SLC37A1: variants seen among roughly 807,000 people sequenced by gnomAD.
SLC37A1 encodes glucose-6-phosphate exchanger SLC37A1.
In SLC37A1, 49 loss-of-function variants were observed where a neutral mutation model predicts 75.3. That is an observed-to-expected ratio of 0.65 (90% CI 0.52 to 0.83). SLC37A1 has a LOEUF of 0.83. SLC37A1 is among the 40% of genes least tolerant of loss of function. The pLI is 0.00. For synonymous variants in SLC37A1, 268 were observed against 292.1 expected (o/e 0.92, Z 0.84); for missense variants, 566 against 695.0 (o/e 0.81, Z 2.09).
Position 42,543,440 on chromosome 21 carries a change from G to C in SLC37A1, c.568G>C (p.Gly190Arg). 6.2e-7 allele frequency: 1 copy of C among 1,614,154 alleles called. No individual in the cohort carries two copies. ...LGNWFGKGRRGLIMGVWNSHT... is the reference protein window; with the variant it reads ...LGNWFGKGRRRLIMGVWNSHT... ...TTCTGTTTTGTTGTGCTGCAGGAGA[G>C]GTTTGATTATGGGGGTCTGGAACTC... Residue 190 changes from glycine to arginine, a missense_variant, in exon 8 of 20, where the codon GGT becomes CGT. Coordinates refer to ENST00000352133, the MANE Select transcript of SLC37A1 (RefSeq NM_001320537.2).
At position 42,580,333 on chromosome 21, in the gene SLC37A1, C is replaced by G; in HGVS notation, c.1587-12C>G. ...GCTGTTAGAGCAGCTCTTCTTTCAACCTTTCTTTCAGATTTAAGGAACAGT... is the reference window on the plus strand; with the variant it reads ...GCTGTTAGAGCAGCTCTTCTTTCAAGCTTTCTTTCAGATTTAAGGAACAGT... On this transcript the variant is annotated splice_polypyrimidine_tract_variant and intron_variant, in intron 19 of 19. Transcript: ENST00000352133. The G allele has an allele frequency of 6.2e-7, 1 of 1,612,448 alleles. No homozygotes were observed. The highest frequency in any genetic ancestry group is 8.5e-7 in the Non-Finnish European group (1 of 1,179,432).
chr21:42,544,857 C>A (rs1405729898), intron 8 of SLC37A1, among the ~76,000 whole-genome samples: 1 of 152,192 alleles, frequency 6.6e-6, no homozygotes, highest in Non-Finnish European at 1.5e-5. Context: ...CACCAGCCAC[C>A]CGGAGAACAA....
chr21:42,537,325 G>T (rs1222081388), intron 5 of SLC37A1, among the ~76,000 whole-genome samples: 1 of 152,162 alleles, frequency 6.6e-6, no homozygotes, highest in Non-Finnish European at 1.5e-5. Context: ...TTAGCGCTTG[G>T]GTCTCAGCCA....
chr21:42,530,965 C>T (rs925470496), intron 3 of SLC37A1, among the ~76,000 whole-genome samples: 4 of 152,214 alleles, frequency 2.6e-5, no homozygotes, highest in African/African-American at 9.6e-5. Context: ...CAGGCGAATA[C>T]AGTGAATGTT....
At position 42,566,988 on chromosome 21, in the gene SLC37A1, T is replaced by G. The variant is rs1424177308; in HGVS notation, c.1274T>G (p.Met425Arg). Residue 425 changes from methionine to arginine, a missense_variant, in exon 16 of 20, where the codon ATG becomes AGG. Transcript: ENST00000352133. ...SKMGLEATIA[M>R]LLLSGALVSG... ...TTTGCCCCTCTGCCTCCCACAGCCA[T>G]GCTGCTGCTCAGCGGAGCCCTGGTC... 1 of 1,606,870 alleles carries G rather than the reference T, an allele frequency of 6.2e-7. No individual in the cohort carries two copies. The highest frequency in any genetic ancestry group is 2.2e-5 in the East Asian group (1 of 44,878).
chr21:42,568,958 G>A (rs185335985), intron 17 of SLC37A1, among the ~76,000 whole-genome samples: 285 of 152,370 alleles, frequency 1.9e-3, no homozygotes, highest in Middle Eastern at 3.4e-3. Context: ...GCAGCCTGAC[G>A]GCACGGCTGT....
chr21:42,526,268 A>T (rs1270106816), intron 3 of SLC37A1, among the ~76,000 whole-genome samples: 5 of 152,128 alleles, frequency 3.3e-5, no homozygotes, highest in Non-Finnish European at 5.9e-5. Context: ...TGTCTGAGTG[A>T]TGGGTGGGCA....
At chr21:42,521,242 A>G (rs989226621) in intron 2 of SLC37A1, among the ~76,000 whole-genome samples, 3 of 152,192 alleles carry the variant, frequency 2.0e-5, no homozygotes, top group African/African-American at 7.2e-5. Context: ...TTAACCAATG[A>G]CCAACGTCAG....
At position 42,545,001 on chromosome 21, in the gene SLC37A1, A is replaced by G. The variant is rs2055371216; in HGVS notation, c.730+1399A>G. 6.6e-6 allele frequency among the ~76,000 whole-genome samples: 1 copy of G among 152,216 alleles called. No individual in the cohort carries two copies. The highest frequency in any genetic ancestry group is 1.5e-5 in the Non-Finnish European group (1 of 68,036). The stretch of plus-strand genomic sequence containing the variant: ...GGAGAAAAGGACATGTGGAAGGGAA[A>G]GGAGCTTGCTCAATGGCCGGGACCT... On this transcript the variant is annotated intron_variant, in intron 8 of 19. Coordinates refer to ENST00000352133, the MANE Select transcript of SLC37A1 (RefSeq NM_001320537.2). The surrounding 1 kb of genome is among the most constrained non-coding windows in gnomAD (Gnocchi z 4.0).
intron 2 of SLC37A1, among the ~76,000 whole-genome samples, chr21:42,524,213 T>G (rs532055493): frequency 5.9e-5 from 9 of 152,322 alleles, no homozygotes; most frequent in African/African-American, 2.2e-4. Context: ...GGTAGGGAGA[T>G]GTGCCTAGGA....
chr21:42,500,327 A>G (rs2054330222), intron 1 of SLC37A1, among the ~76,000 whole-genome samples: 1 of 152,252 alleles, frequency 6.6e-6, no homozygotes, highest in South Asian at 2.1e-4. Flanking sequence ...TTTTTAAAAT[A>G]GTGTTGGTAG....
At chr21:42,536,567 G>T (rs1263479463) in intron 5 of SLC37A1, among the ~76,000 whole-genome samples, 3 of 152,164 alleles carry the variant, frequency 2.0e-5, no homozygotes, top group Non-Finnish European at 2.9e-5. Context: ...ATGAAAAAAG[G>T]TGTATTTAGC....
rs1309742585 is a variant in SLC37A1, at chr21:42,518,461, C to T, written c.7C>T (p.Arg3Ter). Residue 3 changes from arginine to a stop codon, truncating the protein, a stop_gained, in exon 2 of 20, where the codon CGA (arginine) becomes TGA (stop). Coordinates refer to ENST00000352133, the MANE Select transcript of SLC37A1 (RefSeq NM_001320537.2). LOFTEE classifies it high-confidence loss of function. ...GTGGTCAGTGGCGACGTAAATGGCT[C>T]GACTCCCCGCTGGCATTCGCTTCAT... MA[R>*]LPAGIRFIIS... 5.6e-6 allele frequency: 9 copies of T among 1,613,958 alleles called. No homozygotes were observed. The Admixed American group carries it at 8.3e-5, about 15-fold the overall frequency.
upstream of SLC37A1, among the ~76,000 whole-genome samples, chr21:42,511,579 A>G (rs558258922): frequency 3.3e-5 from 5 of 152,308 alleles, no homozygotes; most frequent in Admixed American, 1.3e-4. Flanking sequence ...TGAACCTGGG[A>G]GTTCAAGACC....
At chr21:42,517,223 T>C (rs2054537756) in intron 1 of SLC37A1, among the ~76,000 whole-genome samples, 1 of 152,228 alleles carries the variant, frequency 6.6e-6, no homozygotes. Context: ...ATGGATGCTA[T>C]CATCCCCATT....
In SLC37A1 at chr21:42,545,086, A is replaced by G. The variant is rs1414476996; in HGVS notation, c.730+1484A>G. 6.6e-6 allele frequency among the ~76,000 whole-genome samples: 1 copy of G among 152,178 alleles called. No homozygotes were observed. The highest frequency in any genetic ancestry group is 6.5e-5 in the Admixed American group (1 of 15,284). The stretch of plus-strand genomic sequence containing the variant: ...GATGTTTGTCTCTGTAAGCAGAGAG[A>G]GCTCAGCTCTTGTGAATAAGCCTCC... On this transcript the variant is annotated intron_variant, in intron 8 of 19. Coordinates refer to ENST00000352133, the MANE Select transcript of SLC37A1 (RefSeq NM_001320537.2). The surrounding 1 kb of genome is among the most constrained non-coding windows in gnomAD (Gnocchi z 4.0).
rs887187068 is a variant in SLC37A1 at position 42,564,629 on chromosome 21, G to C, written c.1136-79G>C. ...TTGGGAAAGGAGGAGGCCGTTCTCC[G>C]AGCTCCTGCAGTTCTGCTTCCTCCC... On this transcript the variant is annotated intron_variant, in intron 13 of 19. Coordinates refer to ENST00000352133, the MANE Select transcript of SLC37A1 (RefSeq NM_001320537.2). 3.5e-6 allele frequency: 4 copies of C among 1,157,674 alleles called. No homozygotes were observed. The South Asian group carries it at 5.0e-5, about 14-fold the overall frequency. 71.7% of individuals were successfully genotyped at this position (1,157,674 alleles called of 1,614,324 possible).
intron 5 of SLC37A1, among the ~76,000 whole-genome samples, chr21:42,539,112 C>A (rs2055211149): frequency 6.6e-6 from 1 of 152,166 alleles, no homozygotes; most frequent in South Asian, 2.1e-4. Context: ...CATAAGTGAT[C>A]TCATGACATT....
At chr21:42,502,703 G>A (rs1352076616) in intron 2 of SLC37A1, 2 of 152,070 alleles carry the variant, frequency 1.3e-5, no homozygotes, top group Non-Finnish European at 2.9e-5. Context: ...AACCTTCCTA[G>A]GGATGCTGTT....
Sources: gnomAD v4.1 joint callset for allele counts (sites outside exome capture counted in the v4.1 genomes callset) on GRCh38, gnomAD v4.1.1 for gene constraint, Gnocchi (gnomAD v3.1) non-coding constraint, MANE v1.5 for transcripts, NCBI Gene and HGNC (gene_info 2026-07-23, HGNC 2026-07-21) for gene names.